The following MYRIP variants were observed in gnomAD, a reference collection of about 807,000 sequenced individuals.
MYRIP encodes rab effector MyRIP.
MYRIP carries 49 observed loss-of-function variants against 98.0 expected under a neutral mutation model. The observed-to-expected ratio is 0.50, with a 90% CI of 0.40 to 0.63. The LOEUF (loss-of-function observed/expected upper bound fraction) is 0.63. MYRIP is among the 30% of genes least tolerant of loss of function. The pLI, the probability that MYRIP is intolerant of heterozygous loss-of-function variation, is 0.00. For synonymous variants in MYRIP, 404 were observed against 409.5 expected, an observed-to-expected ratio of 0.99 and a Z score of 0.16; for missense variants, 1,004 against 1,058.2, an observed-to-expected ratio of 0.95 and a Z score of 0.71.
At chr3:40,167,903 T>A (rs1370446997) in intron 7 of MYRIP, among the ~76,000 whole-genome samples, 1 of 152,180 alleles carries the variant, frequency 6.6e-6, no homozygotes, top group African/African-American at 2.4e-5. Flanking sequence ...AGAGCTTCCA[T>A]GCTCTCTCTG....
intron 2 of MYRIP, among the ~76,000 whole-genome samples, chr3:39,963,549 T>C (rs1945374221): frequency 6.6e-6 from 1 of 152,156 alleles, no homozygotes; most frequent in Admixed American, 6.6e-5. Context: ...ACTTGTGAAT[T>C]CATATGCAAA....
chr3:40,018,672 T>C (rs746257137), intron 2 of MYRIP, among the ~76,000 whole-genome samples: 3 of 152,160 alleles, frequency 2.0e-5, no homozygotes, highest in Admixed American at 6.6e-5. Context: ...TTTGCCAGCA[T>C]TGGCCCTTGT....
intron 13 of MYRIP, among the ~76,000 whole-genome samples, chr3:40,247,837 C>A (rs1165458394): frequency 6.6e-6 from 1 of 152,234 alleles, no homozygotes; most frequent in Non-Finnish European, 1.5e-5. Flanking sequence ...CATTCTTAAC[C>A]AGTCTGTGCT....
chr3:39,916,048 G>T (rs1033812236), intron 2 of MYRIP, among the ~76,000 whole-genome samples: 1 of 151,910 alleles, frequency 6.6e-6, no homozygotes, highest in Non-Finnish European at 1.5e-5. Context: ...CTTTCTAGGG[G>T]TTCTGTCCTA....
intron 1 of MYRIP, among the ~76,000 whole-genome samples, chr3:39,874,736 G>A (rs183737195): frequency 1.3e-3 from 204 of 152,150 alleles, no homozygotes; most frequent in Non-Finnish European, 1.8e-3. Context: ...TGCTGGATTC[G>A]GTTTACCAGT....
chr3:40,160,936 G>C (rs1950378100), intron 4 of MYRIP, among the ~76,000 whole-genome samples: 1 of 152,192 alleles, frequency 6.6e-6, no homozygotes, highest in African/African-American at 2.4e-5. Context: ...TGGTACCTCA[G>C]ATGGAAATGT....
chr3:39,885,369 G>C (rs1265448530), intron 1 of MYRIP, among the ~76,000 whole-genome samples: 2 of 152,102 alleles, frequency 1.3e-5, no homozygotes, highest in East Asian at 1.9e-4. Flanking sequence ...GAGATCCGCT[G>C]TTAGTCTGAT....
chr3:40,073,850 A>G (rs1948282819), intron 3 of MYRIP, among the ~76,000 whole-genome samples: 1 of 152,180 alleles, frequency 6.6e-6, no homozygotes, highest in Non-Finnish European at 1.5e-5. Flanking sequence ...GGCTCCCCCT[A>G]CTGCTTATGT....
intron 3 of MYRIP, among the ~76,000 whole-genome samples, chr3:40,124,234 C>T (rs374095873): frequency 3.3e-5 from 5 of 152,302 alleles, no homozygotes; most frequent in African/African-American, 1.2e-4. Flanking sequence ...TCCATCAAAG[C>T]TGTACTTCAA....
At chr3:39,900,673 C>A (rs889731241) in intron 1 of MYRIP, 114 bp from the exon 2 acceptor site, 7 of 548,474 alleles carry the variant, frequency 1.3e-5, no homozygotes, top group Non-Finnish European at 1.9e-5. Flanking sequence ...AAAGATACTA[C>A]CTTACATAAA....
intron 1 of MYRIP, among the ~76,000 whole-genome samples, chr3:39,817,477 A>G (rs1250379296): frequency 6.6e-6 from 1 of 152,206 alleles, no homozygotes; most frequent in Non-Finnish European, 1.5e-5. Context: ...TCCAGAAGAA[A>G]TATGCTAGGA....
intron 11 of MYRIP, among the ~76,000 whole-genome samples, chr3:40,215,605 A>T (rs1952094572): frequency 6.6e-6 from 1 of 152,128 alleles, no homozygotes. Context: ...TGTGAAAAAA[A>T]ATTTGTTGAT....
chr3:40,178,509 C>T (rs1406099364), intron 8 of MYRIP, among the ~76,000 whole-genome samples: 2 of 152,182 alleles, frequency 1.3e-5, no homozygotes, highest in African/African-American at 4.8e-5. Context: ...CCGAGCTCAA[C>T]CCTTGCCTTA....
intron 2 of MYRIP, among the ~76,000 whole-genome samples, chr3:40,016,739 A>G (rs1478819523): frequency 2.0e-5 from 3 of 152,222 alleles, no homozygotes; most frequent in Non-Finnish European, 2.9e-5. Context: ...AAATTACTGT[A>G]TCTCAAACTT....
chr3:39,926,952 A>G (rs907844786), intron 2 of MYRIP, among the ~76,000 whole-genome samples: 2 of 152,044 alleles, frequency 1.3e-5, no homozygotes, highest in Admixed American at 6.6e-5. Flanking sequence ...AATTCTTCCA[A>G]TCTATGAACA....
intron 1 of MYRIP, among the ~76,000 whole-genome samples, chr3:39,876,089 T>C (rs1044407659): frequency 6.6e-6 from 1 of 152,210 alleles, no homozygotes; most frequent in Non-Finnish European, 1.5e-5. Context: ...CCTTTACCAT[T>C]ACATAATGGC....
In MYRIP at chr3:39,955,009, G is replaced by A. The variant is rs535783466; in HGVS notation, c.110+54083G>A. ...GAAAAGAAACGAACAAAGCCTCCAA[G>A]AAATGTGGGACTATGTGAAAAGACC... is the stretch of plus-strand genomic sequence containing the variant. On this transcript the variant is annotated intron_variant, in intron 2 of 16. Coordinates refer to ENST00000302541, the MANE Select transcript of MYRIP (RefSeq NM_015460.4). Among the ~76,000 whole-genome samples the A allele has an allele frequency of 9.9e-5, 15 of 152,256 alleles. No individual in the cohort carries two copies. In the East Asian group the frequency reaches 2.7e-3, roughly 27 times the overall value.
At chr3:40,222,619 AG>A (rs1952370100) in intron 11 of MYRIP, among the ~76,000 whole-genome samples, 1 of 134,860 alleles carries the variant, frequency 7.4e-6, no homozygotes, top group African/African-American at 2.8e-5. Flanking sequence ...TCTGAAAGTG[AG>A]GGGATAGTGG....
intron 3 of MYRIP, among the ~76,000 whole-genome samples, chr3:40,047,154 T>C (rs1947687157): frequency 6.6e-6 from 1 of 152,206 alleles, no homozygotes; most frequent in African/African-American, 2.4e-5. Flanking sequence ...TCTTGTACAA[T>C]GTTGTCTCAA....
Sources: gnomAD v4.1 joint callset for allele counts (sites outside exome capture counted in the v4.1 genomes callset) on GRCh38, gnomAD v4.1.1 for gene constraint, MANE v1.5 for transcripts, NCBI Gene and HGNC (gene_info 2026-07-23, HGNC 2026-07-21) for gene names.